The following RALGAPA1 variants were observed in gnomAD, a reference collection of about 807,000 sequenced individuals.
RALGAPA1 encodes ral GTPase-activating protein subunit alpha-1.
In RALGAPA1, 52 loss-of-function variants were observed where a neutral mutation model predicts 269.6. That is an observed-to-expected ratio of 0.19 (90% CI 0.15 to 0.24). The LOEUF (loss-of-function observed/expected upper bound fraction) is 0.24, where lower values mean the gene tolerates loss of function less well. Among genes scored for constraint, RALGAPA1 ranks in the 10% least tolerant of loss-of-function variants. The pLI, the probability that RALGAPA1 is intolerant of heterozygous loss-of-function variation, is 1.00. For missense variants in RALGAPA1, 1,917 were observed against 3,013.9 expected (o/e 0.64, Z 8.52); for synonymous variants, 817 against 1,008.3 (o/e 0.81, Z 3.60).
intron 26 of RALGAPA1, among the ~76,000 whole-genome samples, chr14:35,668,457 C>T (rs1006583042): frequency 5.3e-5 from 8 of 150,684 alleles, no homozygotes; most frequent in East Asian, 1.9e-4. Context: ...CACTCCAGTC[C>T]GAGTGACAGA....
chr14:35,626,231 C>T (rs1224216402), intron 34 of RALGAPA1, among the ~76,000 whole-genome samples: 1 of 152,016 alleles, frequency 6.6e-6, no homozygotes, highest in Non-Finnish European at 1.5e-5. Flanking sequence ...TTCTAATAAG[C>T]GGAAGAGTTT....
At chr14:35,587,218 C>A (rs540464746) in intron 37 of RALGAPA1, among the ~76,000 whole-genome samples, 7 of 152,120 alleles carry the variant, frequency 4.6e-5, no homozygotes, top group Non-Finnish European at 1.0e-4. Context: ...GGAATTTATC[C>A]ATTTCTTCTA....
chr14:35,760,852 T>C lies in RALGAPA1; in HGVS notation c.524A>G (p.Asn175Ser). The C allele has an allele frequency of 6.2e-7, 1 of 1,611,506 alleles. No homozygotes were observed. Among genetic ancestry groups the C allele is most frequent in the Non-Finnish European group, 8.5e-7 (1 of 1,179,210 alleles). The change falls in exon 6 of 42, where the codon AAT (asparagine) becomes AGT (serine). Residue 175 changes from asparagine (N) to serine (S), a missense_variant. Transcript: ENST00000680220. ...HGPRTLDNLI[N>S]PPLNLQETQV... ...ACTTTCTTGAAGGTTGAGTGGAGGATTAATGAGATTATCTAAAGTTCGAGG... is the reference window on the plus strand; with the variant it reads ...ACTTTCTTGAAGGTTGAGTGGAGGACTAATGAGATTATCTAAAGTTCGAGG...
chr14:35,693,469 T>C (rs968527128), intron 17 of RALGAPA1, among the ~76,000 whole-genome samples: 3 of 151,810 alleles, frequency 2.0e-5, no homozygotes, highest in African/African-American at 7.2e-5. Flanking sequence ...AAATAAAATT[T>C]TATATATTTT....
chr14:35,566,017 A>T (rs1226607868), intron 39 of RALGAPA1, among the ~76,000 whole-genome samples: 1 of 151,982 alleles, frequency 6.6e-6, no homozygotes, highest in Non-Finnish European at 1.5e-5. Context: ...AAGCTGAAAT[A>T]CCTCTCTGGT....
chr14:35,774,358 T>A (rs1567204074), intron 3 of RALGAPA1, among the ~76,000 whole-genome samples: 1 of 152,168 alleles, frequency 6.6e-6, no homozygotes, highest in Non-Finnish European at 1.5e-5. Context: ...TATGACTGTT[T>A]ATCTGTTTAC....
intron 4 of RALGAPA1, among the ~76,000 whole-genome samples, chr14:35,770,267 CA>C (rs1454347800): frequency 6.6e-6 from 1 of 152,118 alleles, no homozygotes; most frequent in Non-Finnish European, 1.5e-5. Flanking sequence ...AGAACTTCTT[CA>C]ACTGGATAAA....
chr14:35,718,470 C>T (rs143950924), intron 16 of RALGAPA1, among the ~76,000 whole-genome samples: 126 of 152,262 alleles, frequency 8.3e-4, no homozygotes, highest in Middle Eastern at 6.8e-3. Flanking sequence ...GGGAGACTTA[C>T]TACAATGTAT....
At chr14:35,648,504 T>G (rs143431735) in intron 31 of RALGAPA1, among the ~76,000 whole-genome samples, 36 of 149,696 alleles carry the variant, frequency 2.4e-4, no homozygotes, top group African/African-American at 8.6e-4. Flanking sequence ...AATGATAGGC[T>G]GGGCACAGTG....
intron 12 of RALGAPA1, among the ~76,000 whole-genome samples, chr14:35,730,653 C>A (rs1053621008): frequency 6.6e-6 from 1 of 152,136 alleles, no homozygotes; most frequent in East Asian, 1.9e-4. Context: ...TCAGCAGAGG[C>A]AGCCATAATC....
intron 31 of RALGAPA1, among the ~76,000 whole-genome samples, chr14:35,642,150 A>G (rs916270018): frequency 2.0e-5 from 3 of 152,218 alleles, no homozygotes; most frequent in Non-Finnish European, 4.4e-5. Flanking sequence ...CTACTACAAG[A>G]AAACATTGAG....
intron 3 of RALGAPA1, among the ~76,000 whole-genome samples, chr14:35,771,481 C>A (rs116832274): frequency 2.0e-4 from 30 of 152,214 alleles, no homozygotes; most frequent in African/African-American, 7.2e-4. Context: ...ATTATTTTAG[C>A]ACTGGCATGT....
chr14:35,771,115 C>T (rs148737895), intron 3 of RALGAPA1, 116 bp from the exon 4 acceptor site: 45 of 416,018 alleles, frequency 1.1e-4, no homozygotes, highest in African/African-American at 7.7e-4. Context: ...CAAAATAGGC[C>T]GGGCACGGTG....
intron 35 of RALGAPA1, among the ~76,000 whole-genome samples, chr14:35,606,066 C>T (rs1304810142): frequency 1.3e-5 from 2 of 152,130 alleles, no homozygotes. Flanking sequence ...TGCAATGTAG[C>T]CGAATCCCAT....
intron 1 of RALGAPA1, among the ~76,000 whole-genome samples, chr14:35,792,249 T>C (rs536208353): frequency 3.9e-5 from 6 of 152,132 alleles, no homozygotes; most frequent in African/African-American, 7.2e-5. Context: ...CTCTTCTTCC[T>C]GGGTTCAAGA....
intron 39 of RALGAPA1, among the ~76,000 whole-genome samples, chr14:35,557,134 GTGTATA>G (rs1287402655): frequency 1.4e-5 from 2 of 146,794 alleles, no homozygotes; most frequent in East Asian, 2.0e-4. Context: ...GTGTGTGTGT[GTGTATA>G]TATATTCTAT....
At chr14:35,693,822 T>C (rs2066688922) in intron 17 of RALGAPA1, among the ~76,000 whole-genome samples, 2 of 152,062 alleles carry the variant, frequency 1.3e-5, no homozygotes, top group African/African-American at 2.4e-5. Context: ...TGTTTAGCAT[T>C]AAAATGGGTC....
chr14:35,619,120 ATATAT>A (rs893151494), intron 35 of RALGAPA1, among the ~76,000 whole-genome samples: 1 of 152,142 alleles, frequency 6.6e-6, no homozygotes, highest in African/African-American at 2.4e-5. Flanking sequence ...AGATATTAAA[ATATAT>A]TATAAAGCTA....
chr14:35,560,607 G>A (rs906818164), intron 39 of RALGAPA1, among the ~76,000 whole-genome samples: 2 of 152,022 alleles, frequency 1.3e-5, no homozygotes, highest in Admixed American at 1.3e-4. Context: ...TTTATCATTA[G>A]TGCATTAAGT....
Sources: allele counts gnomAD v4.1 joint callset (sites outside exome capture counted in the v4.1 genomes callset), GRCh38; gene constraint gnomAD v4.1.1; transcripts MANE v1.5; gene names NCBI Gene and HGNC (gene_info 2026-07-23, HGNC 2026-07-21).